UBE2K: variants seen among roughly 807,000 people sequenced by gnomAD.
UBE2K encodes the protein ubiquitin-conjugating enzyme E2 K.
Under a neutral mutation model 30.0 loss-of-function variants are expected in UBE2K, and 6 were observed. The observed-to-expected ratio is 0.20, with a 90% confidence interval of 0.11 to 0.39. The LOEUF is 0.39. UBE2K is among the 10% of genes least tolerant of loss of function. The pLI, the probability that UBE2K is intolerant of heterozygous loss-of-function variation, is 1.00. For missense variants in UBE2K, 61 were observed against 241.6 expected, an observed-to-expected ratio of 0.25 and a Z score of 4.96; for synonymous variants, 86 against 83.7, an observed-to-expected ratio of 1.03 and a Z score of -0.15.
At chr4:39,714,550 A>ATATATTTTTTTT in intron 1 of UBE2K, 3 of 17,854 alleles carry the variant, frequency 1.7e-4, no homozygotes, top group African/African-American at 4.9e-4. Flanking sequence ...ATATATATAT[A>ATATATTTTTTTT]TTTTTTTTTT....
intron 4 of UBE2K, among the ~76,000 whole-genome samples, chr4:39,759,475 G>C (rs1286936484): frequency 6.6e-6 from 1 of 152,072 alleles, no homozygotes; most frequent in East Asian, 1.9e-4. Flanking sequence ...GTAGAGACAG[G>C]GTTCCACCGT....
chr4:39,757,589 T>G (rs1260171870), intron 4 of UBE2K, among the ~76,000 whole-genome samples: 3 of 152,200 alleles, frequency 2.0e-5, no homozygotes, highest in African/African-American at 7.2e-5. Context: ...AGATCAAGAC[T>G]TTCTAACATA....
At chr4:39,746,461 A>G (rs555147167) in intron 3 of UBE2K, among the ~76,000 whole-genome samples, 57 of 152,302 alleles carry the variant, frequency 3.7e-4, no homozygotes, top group African/African-American at 1.3e-3. Context: ...TTTGTCTATT[A>G]TTTAATCACC....
chr4:39,782,011 T>A lies in UBE2K; in HGVS notation c.*3577T>A, dbSNP rs1713642211. 1 of 398,274 alleles carries A rather than the reference T, an allele frequency of 2.5e-6. No homozygotes were observed. The allele number at this position is 398,274 out of a possible 1,614,324, so 24.7% of individuals were successfully genotyped here. On this transcript the variant is annotated 3_prime_UTR_variant, in exon 7 of 7. Coordinates refer to ENST00000261427, the MANE Select transcript of UBE2K (RefSeq NM_005339.5). Reference sequence around the variant, plus strand: ...ATTATGTCACACGTTCTATTTGCACTGCTGCAATATAGATCAAAGATCTTG... The same window carrying A: ...ATTATGTCACACGTTCTATTTGCACAGCTGCAATATAGATCAAAGATCTTG...
At chr4:39,725,561 T>A (rs1578440871) in intron 1 of UBE2K, among the ~76,000 whole-genome samples, 2 of 152,218 alleles carry the variant, frequency 1.3e-5, no homozygotes, top group East Asian at 3.9e-4. Context: ...CTTGGGTCAG[T>A]TAGCTCTGAT....
chr4:39,775,145 A>G (rs1713210249), intron 5 of UBE2K, among the ~76,000 whole-genome samples: 1 of 152,238 alleles, frequency 6.6e-6, no homozygotes, highest in African/African-American at 2.4e-5. Flanking sequence ...TTTTCCTAAC[A>G]TGAGTATTTT....
chr4:39,716,786 T>C (rs538617108), intron 1 of UBE2K, among the ~76,000 whole-genome samples: 48 of 152,048 alleles, frequency 3.2e-4, no homozygotes, highest in African/African-American at 1.1e-3. Context: ...TTGCCTGAGC[T>C]CAGGAATTCA....
intron 1 of UBE2K, among the ~76,000 whole-genome samples, chr4:39,698,795 C>T (rs1717844921): frequency 6.6e-6 from 1 of 152,184 alleles, no homozygotes; most frequent in African/African-American, 2.4e-5. Flanking sequence ...ATCCCAAGAG[C>T]AGTGCTGCTC....
chr4:39,765,808 CAAAT>C, intron 4 of UBE2K, among the ~76,000 whole-genome samples: 1 of 151,826 alleles, frequency 6.6e-6, no homozygotes, highest in Admixed American at 6.6e-5. Flanking sequence ...GACTCCATCT[CAAAT>C]AAATAAGTAA....
chr4:39,781,886 A>C lies in UBE2K; in HGVS notation c.*3452A>C, dbSNP rs1713634929. On this transcript the variant is annotated 3_prime_UTR_variant, in exon 7 of 7. Coordinates refer to ENST00000261427, the MANE Select transcript of UBE2K (RefSeq NM_005339.5). ...TAGTATCAGTTTAAAGTAAATGCTT[A>C]CCATCAGCCAGTTGCTGTCACTGGG... 2.5e-6 allele frequency: 1 copy of C among 398,294 alleles called. No individual in the cohort carries two copies. Among genetic ancestry groups the C allele is most frequent in the Non-Finnish European group, 4.4e-6 (1 of 225,868 alleles). 24.7% of individuals were successfully genotyped at this position (398,294 alleles called of 1,614,324 possible). A position where few individuals can be genotyped will look rare whatever the true frequency, so the allele number is the denominator to read the frequency against.
At chr4:39,771,492 C>T in intron 4 of UBE2K, 1 of 1,481,614 alleles carries the variant, frequency 6.7e-7, no homozygotes, top group Non-Finnish European at 8.9e-7. Flanking sequence ...TTTTTAATCC[C>T]CTATTTTCCC....
intron 1 of UBE2K, among the ~76,000 whole-genome samples, chr4:39,700,255 A>G (rs1279312447): frequency 2.0e-5 from 3 of 152,186 alleles, no homozygotes; most frequent in East Asian, 1.9e-4. Context: ...CTAGTAATGC[A>G]TATTAAAAAA....
At chr4:39,729,452 C>T (rs1376082698) in intron 1 of UBE2K, among the ~76,000 whole-genome samples, 2 of 152,186 alleles carry the variant, frequency 1.3e-5, no homozygotes, top group South Asian at 2.1e-4. Context: ...CTTTATTATA[C>T]TGTCATCCAC....
intron 1 of UBE2K, among the ~76,000 whole-genome samples, chr4:39,733,880 T>G (rs909927567): frequency 6.6e-6 from 1 of 152,182 alleles, no homozygotes; most frequent in Admixed American, 6.5e-5. Context: ...CATGTCTTGC[T>G]TATAGTTCCT....
chr4:39,753,703 A>T (rs1414938747), intron 3 of UBE2K, among the ~76,000 whole-genome samples: 1 of 152,226 alleles, frequency 6.6e-6, no homozygotes, highest in Non-Finnish European at 1.5e-5. Flanking sequence ...TGTTATTGAG[A>T]AAACAAATAT....
At chr4:39,777,529 G>C (rs547295869) in intron 5 of UBE2K, among the ~76,000 whole-genome samples, 153 bp from the exon 6 acceptor site, 13 of 152,218 alleles carry the variant, frequency 8.5e-5, no homozygotes, top group African/African-American at 3.1e-4. Context: ...GTCTTTTCTC[G>C]AGTGACATAG....
intron 1 of UBE2K, among the ~76,000 whole-genome samples, chr4:39,716,328 G>C (rs1306260737): frequency 6.6e-6 from 1 of 152,098 alleles, no homozygotes; most frequent in Non-Finnish European, 1.5e-5. Flanking sequence ...TCACGCCGCA[G>C]TCTTAACCTG....
intron 1 of UBE2K, among the ~76,000 whole-genome samples, chr4:39,733,939 G>A (rs1049869668): frequency 6.6e-5 from 10 of 152,052 alleles, no homozygotes; most frequent in African/African-American, 2.4e-4. Flanking sequence ...AGGGGGATTG[G>A]AGTTTTAGAT....
At chr4:39,699,515 A>G (rs566033583) in intron 1 of UBE2K, among the ~76,000 whole-genome samples, 16 of 152,326 alleles carry the variant, frequency 1.1e-4, no homozygotes, top group African/African-American at 3.6e-4. Flanking sequence ...ATTTGACTCA[A>G]AATTATGCAA....
Sources: allele counts gnomAD v4.1 joint callset (sites outside exome capture counted in the v4.1 genomes callset), GRCh38; gene constraint gnomAD v4.1.1; transcripts MANE v1.5; gene names NCBI Gene and HGNC (gene_info 2026-07-23, HGNC 2026-07-21).